GRIK3: variants seen among roughly 807,000 people sequenced by gnomAD.
The protein encoded by GRIK3 is glutamate receptor ionotropic, kainate 3.
GRIK3 carries 29 observed loss-of-function variants against 102.5 expected under a neutral mutation model. That is an observed-to-expected ratio of 0.28 (90% CI 0.21 to 0.39). GRIK3 has a LOEUF of 0.39. Among genes scored for constraint, GRIK3 ranks in the 10% least tolerant of loss-of-function variants. GRIK3 has a pLI of 1.00. For synonymous variants in GRIK3, 511 were observed against 504.9 expected, an observed-to-expected ratio of 1.01 and a Z score of -0.16; for missense variants, 908 against 1,252.4, an observed-to-expected ratio of 0.73 and a Z score of 4.15.
At chr1:36,895,996 A>C (rs1358727334) in intron 1 of GRIK3, among the ~76,000 whole-genome samples, 1 of 152,220 alleles carries the variant, frequency 6.6e-6, no homozygotes, top group Non-Finnish European at 1.5e-5. Flanking sequence ...TTGAGAGAAA[A>C]TAAAAACCAA....
At chr1:37,011,332 T>C (rs1642594641) in intron 1 of GRIK3, among the ~76,000 whole-genome samples, 1 of 152,216 alleles carries the variant, frequency 6.6e-6, no homozygotes, top group Admixed American at 6.5e-5. Context: ...GAGCTCTATG[T>C]AGCAGACACT....
chr1:37,012,383 C>G (rs1257375553), intron 1 of GRIK3, among the ~76,000 whole-genome samples: 1 of 152,140 alleles, frequency 6.6e-6, no homozygotes, highest in Non-Finnish European at 1.5e-5. Context: ...CTTCATGACA[C>G]CAAAACATTT....
intron 1 of GRIK3, among the ~76,000 whole-genome samples, chr1:37,010,727 C>CTTTTTTTTTTTTTT (rs60750637): frequency 9.8e-6 from 1 of 102,486 alleles, no homozygotes; most frequent in Non-Finnish European, 1.8e-5. Flanking sequence ...ACCTGTACCA[C>CTTTTTTTTTTTTTT]TTTTTTTTTT....
At chr1:36,910,960 T>C (rs1040535347) in intron 1 of GRIK3, among the ~76,000 whole-genome samples, 3 of 152,044 alleles carry the variant, frequency 2.0e-5, no homozygotes, top group Admixed American at 2.0e-4. Flanking sequence ...GACTAAACAC[T>C]GGGGAGACTC....
chr1:36,852,882 T>C (rs78618510), intron 8 of GRIK3, among the ~76,000 whole-genome samples: 4 of 152,156 alleles, frequency 2.6e-5, no homozygotes, highest in African/African-American at 9.7e-5. Flanking sequence ...TGAGGGCTCG[T>C]ATTAAATCTC....
At chr1:36,836,161 C>T (rs1640375865) in intron 10 of GRIK3, among the ~76,000 whole-genome samples, 1 of 152,226 alleles carries the variant, frequency 6.6e-6, no homozygotes, top group Admixed American at 6.5e-5. Flanking sequence ...CATTTCCTGG[C>T]CACACAAACA....
At chr1:36,817,930 C>G (rs932229000) in intron 12 of GRIK3, among the ~76,000 whole-genome samples, 23 of 152,174 alleles carry the variant, frequency 1.5e-4, no homozygotes, top group Non-Finnish European at 1.5e-4. Context: ...AAAATCAACA[C>G]TTTTTGAAGC....
intron 2 of GRIK3, among the ~76,000 whole-genome samples, chr1:36,887,774 AT>A (rs1557714599): frequency 6.5e-4 from 49 of 75,506 alleles, no homozygotes; most frequent in South Asian, 5.7e-3. Context: ...AAAAAAAAAT[AT>A]ATATATATAT....
chr1:36,853,272 C>T (rs531063894), intron 8 of GRIK3, among the ~76,000 whole-genome samples: 1 of 152,330 alleles, frequency 6.6e-6, no homozygotes, highest in South Asian at 2.1e-4. Context: ...TGTCCTTCTG[C>T]TCCATGACAG....
chr1:36,806,195 G>A lies in GRIK3; in HGVS notation c.2223C>T (p.Thr741=). The A allele has an allele frequency of 1.9e-6, 3 of 1,614,154 alleles. No individual in the cohort carries two copies. Among genetic ancestry groups the A allele is most frequent in the Non-Finnish European group, 2.5e-6 (3 of 1,179,998 alleles). The change falls in exon 14 of 16, where the codon ACC becomes ACT. Residue 741 remains threonine (T), a synonymous_variant. Coordinates refer to ENST00000373091, the MANE Select transcript of GRIK3 (RefSeq NM_000831.4). This position sits in a 1 kb window ranked among gnomAD's most constrained non-coding sequence, Gnocchi z 4.0. ...TCCTCTGCGTGACGTACTCGATGGT[G>A]GTGGACTCCATGAGCAGCGCGTAGT... is the stretch of plus-strand genomic sequence containing the variant. ...TADYALLMES[T]TIEYVTQRNC...
intron 1 of GRIK3, among the ~76,000 whole-genome samples, chr1:36,928,897 G>A: frequency 6.6e-6 from 1 of 152,200 alleles, no homozygotes; most frequent in East Asian, 1.9e-4. Context: ...AGGTGTCAAG[G>A]AACATGTCCT....
chr1:36,927,249 C>A (rs1445751463), intron 1 of GRIK3, among the ~76,000 whole-genome samples: 1 of 152,158 alleles, frequency 6.6e-6, no homozygotes, highest in Non-Finnish European at 1.5e-5. Context: ...AAATAAAGCC[C>A]ACGTTTCATT....
rs141046812 is a variant in GRIK3 at position 36,937,264 on chromosome 1, C to T, written c.116-46168G>A. Among the ~76,000 whole-genome samples the T allele has an allele frequency of 4.0e-3, 612 of 152,212 alleles. 4 individuals carry two copies. The highest frequency in any genetic ancestry group is 0.014 in the African/African-American group (590 of 41,522). On this transcript the variant is annotated intron_variant, in intron 1 of 15. Coordinates refer to ENST00000373091, the MANE Select transcript of GRIK3 (RefSeq NM_000831.4). ...TGGGGAGACACAGCATGGTGCCACG[C>T]CCTCGAGTGAACAACAAGCCCGGTG...
chr1:36,958,394 T>G (rs1305640728), intron 1 of GRIK3, among the ~76,000 whole-genome samples: 1 of 61,732 alleles, frequency 1.6e-5, no homozygotes, highest in Non-Finnish European at 2.9e-5. Flanking sequence ...ATCTGCGCCC[T>G]GTGAGCCTGT....
intron 9 of GRIK3, among the ~76,000 whole-genome samples, chr1:36,847,057 G>A (rs1640527759): frequency 6.6e-6 from 1 of 152,234 alleles, no homozygotes; most frequent in Admixed American, 6.5e-5. Context: ...TGGGCAGTGG[G>A]GATGGAGACA....
At chr1:36,842,429 G>A (rs545115491) in intron 9 of GRIK3, among the ~76,000 whole-genome samples, 16 of 152,336 alleles carry the variant, frequency 1.1e-4, no homozygotes, top group African/African-American at 3.6e-4. Context: ...AGGGAATTCT[G>A]ATGTCCACTC....
chr1:36,924,626 C>T (rs1003926301), intron 1 of GRIK3, among the ~76,000 whole-genome samples: 1 of 152,076 alleles, frequency 6.6e-6, no homozygotes, highest in Non-Finnish European at 1.5e-5. Context: ...AGGAGGGCCA[C>T]GAAGGGGTCA....
At chr1:36,869,538 C>T (rs1640820545) in intron 5 of GRIK3, among the ~76,000 whole-genome samples, 1 of 152,156 alleles carries the variant, frequency 6.6e-6, no homozygotes, top group African/African-American at 2.4e-5. Flanking sequence ...ACATTGGCTC[C>T]AGAGTTCACA....
At chr1:36,941,598 T>C (rs1308926085) in intron 1 of GRIK3, among the ~76,000 whole-genome samples, 1 of 152,136 alleles carries the variant, frequency 6.6e-6, no homozygotes, top group African/African-American at 2.4e-5. Context: ...ACCGTGGCTA[T>C]GGTCTACTTT....
Sources: gnomAD v4.1 joint callset for allele counts (sites outside exome capture counted in the v4.1 genomes callset) on GRCh38, gnomAD v4.1.1 for gene constraint, Gnocchi (gnomAD v3.1) non-coding constraint, MANE v1.5 for transcripts, NCBI Gene and HGNC (gene_info 2026-07-23, HGNC 2026-07-21) for gene names.